Variants in ARMH3 observed in about 807,000 individuals in gnomAD.
ARMH3 encodes the protein armadillo like helical domain containing 3.
Under a neutral mutation model 99.1 loss-of-function variants are expected in ARMH3, and 60 were observed. The observed-to-expected ratio is 0.61, with a 90% CI of 0.49 to 0.75. ARMH3 has a LOEUF of 0.75. Among genes scored for constraint, ARMH3 ranks in the 30% least tolerant of loss-of-function variants. The pLI, the probability that ARMH3 is intolerant of heterozygous loss-of-function variation, is 0.00. For synonymous variants in ARMH3, 285 were observed against 292.8 expected, an observed-to-expected ratio of 0.97 and a Z score of 0.27; for missense variants, 679 against 843.1, an observed-to-expected ratio of 0.81 and a Z score of 2.41.
At chr10:102,008,145 G>A (rs941529819) in intron 13 of ARMH3, among the ~76,000 whole-genome samples, 7 of 152,124 alleles carry the variant, frequency 4.6e-5, no homozygotes, top group East Asian at 1.9e-4. Flanking sequence ...GATAAGAAAC[G>A]AGTGAAAATA....
In ARMH3 at chr10:101,847,709, G is replaced by C. The variant is rs2066495176; in HGVS notation, c.1978-89C>G. 3.6e-6 allele frequency: 4 copies of C among 1,110,782 alleles called. No homozygotes were observed. In the East Asian group the frequency reaches 9.4e-5, roughly 26 times the overall value. The allele number at this position is 1,110,782 out of a possible 1,614,324, so 68.8% of individuals were successfully genotyped here. On this transcript the variant is annotated intron_variant, in intron 25 of 25. Transcript: ENST00000370033. ...TTCTAAACGGCAGAGGACAGTGCCT[G>C]CTACACGGGGCACTAGAAGTCTCTC...
intron 19 of ARMH3, among the ~76,000 whole-genome samples, chr10:101,979,709 G>A (rs921361715): frequency 2.6e-5 from 4 of 152,036 alleles, no homozygotes; most frequent in Non-Finnish European, 4.4e-5. Context: ...CAGCTTTCAC[G>A]GCAATGTTCA....
intron 23 of ARMH3, among the ~76,000 whole-genome samples, chr10:101,927,272 G>A (rs1023086635): frequency 1.3e-5 from 2 of 152,172 alleles, no homozygotes; most frequent in Admixed American, 1.3e-4. Flanking sequence ...TGGCACAAGT[G>A]CAAACCCAAG....
chr10:101,879,030 G>T (rs905915174), intron 24 of ARMH3, among the ~76,000 whole-genome samples: 2 of 152,148 alleles, frequency 1.3e-5, no homozygotes, highest in African/African-American at 4.8e-5. Flanking sequence ...CGCCTCGTCA[G>T]TGTTTTTTGT....
chr10:102,034,995 G>A (rs1480937152), intron 2 of ARMH3, among the ~76,000 whole-genome samples: 1 of 152,190 alleles, frequency 6.6e-6, no homozygotes, highest in East Asian at 1.9e-4. Flanking sequence ...TCAGCATTTT[G>A]TAGGGCTGAG....
intron 1 of ARMH3, among the ~76,000 whole-genome samples, chr10:102,045,481 TA>T (rs2067526304): frequency 6.6e-6 from 1 of 152,154 alleles, no homozygotes; most frequent in African/African-American, 2.4e-5. Flanking sequence ...ACCAGGCAAG[TA>T]AAAATCTTGA....
At chr10:101,968,558 A>AT (rs1331323807) in intron 20 of ARMH3, among the ~76,000 whole-genome samples, 1 of 152,192 alleles carries the variant, frequency 6.6e-6, no homozygotes, top group East Asian at 1.9e-4. Context: ...CAAAATGCTC[A>AT]TGGGCCTATG....
intron 22 of ARMH3, among the ~76,000 whole-genome samples, chr10:101,945,537 G>A (rs146108589): frequency 3.3e-5 from 5 of 151,770 alleles, no homozygotes; most frequent in African/African-American, 1.2e-4. Context: ...GACCAACATG[G>A]TGAAACCCCA....
rs536148261 is a variant in ARMH3, at chr10:101,872,906, C to T, written c.1860+16506G>A. 9.3e-5 allele frequency among the ~76,000 whole-genome samples: 14 copies of T among 151,138 alleles called. No homozygotes were observed. In the Middle Eastern group the frequency reaches 0.01, roughly 110 times the overall value. ...CCAGGAGGTGAAGATTGCAGCGAGC[C>T]GAGATCACGCCACTGCACGCCAGCA... On this transcript the variant is annotated intron_variant, in intron 24 of 25. Transcript: ENST00000370033.
chr10:101,966,925 A>G (rs1191810340), intron 20 of ARMH3, among the ~76,000 whole-genome samples: 1 of 152,226 alleles, frequency 6.6e-6, no homozygotes, highest in Non-Finnish European at 1.5e-5. Context: ...GGGAGGCTTA[A>G]TTATAAAACC....
intron 12 of ARMH3, among the ~76,000 whole-genome samples, 182 bp downstream of exon 12, chr10:102,009,795 C>A (rs1366947574): frequency 6.6e-6 from 1 of 152,108 alleles, no homozygotes; most frequent in Non-Finnish European, 1.5e-5. Context: ...TCGCTCAATA[C>A]ATATGAAAAG....
At chr10:101,982,106 T>A (rs1432911299) in intron 19 of ARMH3, among the ~76,000 whole-genome samples, 1 of 134,758 alleles carries the variant, frequency 7.4e-6, no homozygotes. Context: ...GTATAGCGGG[T>A]ATAGTGGCTC....
At chr10:102,050,997 T>C (rs910499141) in intron 1 of ARMH3, among the ~76,000 whole-genome samples, 1 of 149,236 alleles carries the variant, frequency 6.7e-6, no homozygotes, top group African/African-American at 2.5e-5. Context: ...CTACTAAAAA[T>C]ATAAAAATTA....
chr10:101,932,313 G>A (rs1048086492), intron 23 of ARMH3, among the ~76,000 whole-genome samples: 13 of 152,190 alleles, frequency 8.5e-5, no homozygotes, highest in African/African-American at 3.1e-4. Context: ...GGAAGAATGT[G>A]AAGAAATTGG....
At chr10:101,993,220 G>A (rs1231317634) in intron 17 of ARMH3, among the ~76,000 whole-genome samples, 1 of 150,162 alleles carries the variant, frequency 6.7e-6, no homozygotes, top group Non-Finnish European at 1.5e-5. Context: ...GCAGTGAGCA[G>A]AGATCACACC....
intron 9 of ARMH3, among the ~76,000 whole-genome samples, chr10:102,013,114 C>T (rs1023269175): frequency 2.6e-5 from 4 of 152,152 alleles, no homozygotes; most frequent in Non-Finnish European, 4.4e-5. Context: ...GATTATCAAG[C>T]GGTGAAACAG....
intron 23 of ARMH3, among the ~76,000 whole-genome samples, chr10:101,935,149 A>G (rs1364928383): frequency 6.8e-6 from 1 of 147,318 alleles, no homozygotes; most frequent in Non-Finnish European, 1.5e-5. Flanking sequence ...AATTACACCA[A>G]GAAGCGGAAT....
chr10:101,975,328 G>C, intron 19 of ARMH3, 28 bp from the exon 20 acceptor site: 22 of 1,566,550 alleles, frequency 1.4e-5, no homozygotes, highest in Non-Finnish European at 1.9e-5. Flanking sequence ...AAAAATGAGG[G>C]TAAGCCTGAG....
chr10:102,000,092 A>C (rs1308355866), intron 15 of ARMH3, among the ~76,000 whole-genome samples: 2 of 152,150 alleles, frequency 1.3e-5, no homozygotes, highest in Non-Finnish European at 2.9e-5. Context: ...AAAAAATAAA[A>C]AATAAAATAA....
Sources: gnomAD v4.1 joint callset for allele counts (sites outside exome capture counted in the v4.1 genomes callset) on GRCh38, gnomAD v4.1.1 for gene constraint, MANE v1.5 for transcripts, NCBI Gene and HGNC (gene_info 2026-07-23, HGNC 2026-07-21) for gene names.